Variants in PACC1 observed in about 807,000 individuals in gnomAD.
PACC1 encodes proton-activated chloride channel.
Under a neutral mutation model 39.7 loss-of-function variants are expected in PACC1, and 34 were observed. That is an observed-to-expected ratio of 0.86 (90% CI 0.65 to 1.14). PACC1 has a LOEUF of 1.14. Among genes scored for constraint, PACC1 ranks in the 50% most tolerant of loss-of-function variants. The pLI is 0.00. For missense variants in PACC1, 379 were observed against 436.4 expected (o/e 0.87, Z 1.17); for synonymous variants, 127 against 160.6 (o/e 0.79, Z 1.58).
rs890966706 is a variant in PACC1, at chr1:212,386,230, G to A, written c.343+661C>T. ...GGGCAGAACAGGTGGCACACACTGG[G>A]TGGACAGGGCCCAAGTCACACAGCT... On this transcript the variant is annotated intron_variant, in intron 3 of 7. Coordinates refer to ENST00000261455, the MANE Select transcript of PACC1 (RefSeq NM_018252.3). The surrounding 1 kb of genome is among the most constrained non-coding windows in gnomAD (Gnocchi z 5.0). 2.0e-5 allele frequency among the ~76,000 whole-genome samples: 3 copies of A among 152,124 alleles called. No homozygotes were observed. The highest frequency in any genetic ancestry group is 7.2e-5 in the African/African-American group (3 of 41,400).
At chr1:212,394,404 A>C (rs1477999802) in intron 2 of PACC1, among the ~76,000 whole-genome samples, 1 of 152,150 alleles carries the variant, frequency 6.6e-6, no homozygotes, top group Non-Finnish European at 1.5e-5. Context: ...TGCTAAAAAC[A>C]CCAATAAATT....
chr1:212,373,791 A>T (rs1660546964), intron 7 of PACC1, among the ~76,000 whole-genome samples: 1 of 152,196 alleles, frequency 6.6e-6, no homozygotes, highest in African/African-American at 2.4e-5. Context: ...TGCAAACCAA[A>T]TCCAAAATAA....
intron 1 of PACC1, among the ~76,000 whole-genome samples, chr1:212,413,675 G>A (rs1662217433): frequency 6.6e-6 from 1 of 152,220 alleles, no homozygotes; most frequent in Admixed American, 6.5e-5. Context: ...GGGAGACATG[G>A]CTGCTGTGCT....
chr1:212,409,987 A>G lies in PACC1; in HGVS notation c.133+438T>C, dbSNP rs1241171576. ...CGGAAGAAGTAGTCAGCAGTGTCAA[A>G]CATTGCCGTAGGGCTCCATAAGATG... On this transcript the variant is annotated intron_variant, in intron 2 of 7. Transcript: ENST00000261455. The G allele has an allele frequency of 5.2e-5, 9 of 174,524 alleles. 1 individual carries two copies. Among genetic ancestry groups the G allele is most frequent in the Admixed American group, 4.9e-4 (9 of 18,324 alleles). The allele number at this position is 174,524 out of a possible 1,614,324, so 10.8% of individuals were successfully genotyped here.
At chr1:212,397,004 G>T (rs1482210421) in intron 2 of PACC1, among the ~76,000 whole-genome samples, 1 of 152,068 alleles carries the variant, frequency 6.6e-6, no homozygotes, top group African/African-American at 2.4e-5. Flanking sequence ...AAATGAAGAT[G>T]AAATAAAGAT....
chr1:212,379,455 T>C (rs1014007037), intron 5 of PACC1, among the ~76,000 whole-genome samples: 2 of 152,300 alleles, frequency 1.3e-5, no homozygotes, highest in South Asian at 4.1e-4. Flanking sequence ...AAACCCCAAG[T>C]TGTTCAAGGA....
chr1:212,367,689 G>GGT (rs746760290), intron 7 of PACC1, among the ~76,000 whole-genome samples: 3 of 152,112 alleles, frequency 2.0e-5, no homozygotes, highest in Non-Finnish European at 4.4e-5. Flanking sequence ...AGTGCAGCAT[G>GGT]GTGGAACACT....
At chr1:212,414,167 A>T in intron 1 of PACC1, 1 of 1,371,492 alleles carries the variant, frequency 7.3e-7, no homozygotes, top group East Asian at 2.5e-5. Flanking sequence ...GACGAAGAGG[A>T]GCGAGAACTA....
rs76178243 is a variant in PACC1, at chr1:212,387,470, G to A, written c.134-370C>T. On this transcript the variant is annotated intron_variant, in intron 2 of 7. Coordinates refer to ENST00000261455, the MANE Select transcript of PACC1 (RefSeq NM_018252.3). ...GGGATAGGCAGTTACAATCCAACAA[G>A]TGAGCTGGCCCCAACCTACCTCTCT... 546 of 224,792 alleles carry A rather than the reference G, an allele frequency of 2.4e-3. 3 individuals are homozygous for A. Among genetic ancestry groups the A allele is most frequent in the African/African-American group, 0.012 (521 of 43,022 alleles). 13.9% of individuals were successfully genotyped at this position (224,792 alleles called of 1,614,324 possible).
chr1:212,370,111 A>G (rs968485584), intron 7 of PACC1, among the ~76,000 whole-genome samples: 2 of 152,226 alleles, frequency 1.3e-5, no homozygotes, highest in Admixed American at 6.5e-5. Flanking sequence ...CTAGACAGAA[A>G]ATCAACAAAC....
At chr1:212,368,000 C>A (rs1257028294) in intron 7 of PACC1, among the ~76,000 whole-genome samples, 5 of 152,058 alleles carry the variant, frequency 3.3e-5, no homozygotes, top group Non-Finnish European at 7.4e-5. Context: ...ACCTGCCTTA[C>A]CCCTCCCCAA....
intron 7 of PACC1, among the ~76,000 whole-genome samples, chr1:212,369,228 A>G (rs1423944616): frequency 6.6e-6 from 1 of 152,192 alleles, no homozygotes; most frequent in Non-Finnish European, 1.5e-5. Flanking sequence ...GCAAAAACCT[A>G]TAATGGATAT....
At chr1:212,410,661 T>G (rs1662092954) in intron 1 of PACC1, 140 bp from the exon 2 acceptor site, 3 of 775,400 alleles carry the variant, frequency 3.9e-6, no homozygotes, top group Admixed American at 3.8e-5. Flanking sequence ...ACAGCAATTT[T>G]ACAGATGAGG....
At chr1:212,395,423 T>C (rs894394804) in intron 2 of PACC1, among the ~76,000 whole-genome samples, 2 of 152,170 alleles carry the variant, frequency 1.3e-5, no homozygotes, top group Non-Finnish European at 2.9e-5. Context: ...TTACACTGTA[T>C]ACAAAAATTA....
intron 2 of PACC1, among the ~76,000 whole-genome samples, chr1:212,408,501 C>G (rs962044500): frequency 6.6e-6 from 1 of 152,070 alleles, no homozygotes; most frequent in African/African-American, 2.4e-5. Flanking sequence ...GCTGAGATTA[C>G]AGGCATGTGC....
At position 212,414,807 on chromosome 1, in the gene PACC1, C is replaced by T. The variant is rs1662273913; in HGVS notation, c.-50G>A. 1.9e-6 allele frequency: 3 copies of T among 1,607,014 alleles called. No individual in the cohort carries two copies. In the South Asian group the frequency reaches 3.3e-5, roughly 18 times the overall value. On this transcript the variant is annotated 5_prime_UTR_variant, in exon 1 of 8. Coordinates refer to ENST00000261455, the MANE Select transcript of PACC1 (RefSeq NM_018252.3). ...CCTGAGACCGCCCCAGCCCGCGGCG[C>T]ACGGACGCAGCACTGCGGCCGCTGC... is the stretch of plus-strand genomic sequence containing the variant.
chr1:212,367,150 G>A (rs1296538566), intron 7 of PACC1, among the ~76,000 whole-genome samples: 1 of 152,134 alleles, frequency 6.6e-6, no homozygotes, highest in Non-Finnish European at 1.5e-5. Flanking sequence ...ACCCTCCAGC[G>A]ATAGTCCTCT....
At chr1:212,410,920 T>C (rs1223764587) in intron 1 of PACC1, among the ~76,000 whole-genome samples, 1 of 152,170 alleles carries the variant, frequency 6.6e-6, no homozygotes, top group Non-Finnish European at 1.5e-5. Flanking sequence ...CGTTGGCTCG[T>C]AGAGGCATCC....
In PACC1 at chr1:212,365,209, G is replaced by C. The variant is rs780942180; in HGVS notation, c.*6C>G. 6.2e-7 allele frequency: 1 copy of C among 1,612,138 alleles called. No individual in the cohort carries two copies. The highest frequency in any genetic ancestry group is 1.3e-5 in the African/African-American group (1 of 74,738). On this transcript the variant is annotated 3_prime_UTR_variant, in exon 8 of 8. Coordinates refer to ENST00000261455, the MANE Select transcript of PACC1 (RefSeq NM_018252.3). ...TGGACAGTTCTCTAAACAACGCGAG[G>C]TGACTTCAGCTTATGTGGCTCGTTG...
Sources: gnomAD v4.1 joint callset for allele counts (sites outside exome capture counted in the v4.1 genomes callset) on GRCh38, gnomAD v4.1.1 for gene constraint, Gnocchi (gnomAD v3.1) non-coding constraint, MANE v1.5 for transcripts, NCBI Gene and HGNC (gene_info 2026-07-23, HGNC 2026-07-21) for gene names.